ZNF414: variants seen among roughly 807,000 people sequenced by gnomAD.
ZNF414 encodes zinc finger protein 414.
Under a neutral mutation model 38.3 loss-of-function variants are expected in ZNF414, and 32 were observed. That is an observed-to-expected ratio of 0.83 (90% CI 0.63 to 1.12). The LOEUF (loss-of-function observed/expected upper bound fraction) is 1.12, where lower values mean the gene tolerates loss of function less well. Among genes scored for constraint, ZNF414 ranks in the 50% most tolerant of loss-of-function variants. The probability of loss-of-function intolerance (pLI) is 0.00; values close to 1 mark genes in which losing one functional copy is unlikely to be tolerated. For missense variants in ZNF414, 589 were observed against 557.4 expected (o/e 1.06, Z -0.57); for synonymous variants, 256 against 248.0 (o/e 1.03, Z -0.30).
At position 8,510,506 on chromosome 19, in the gene ZNF414, GAT is replaced by G. The variant is rs1971898065; in HGVS notation, c.*183_*184del. ...CTGTGGACCCAGGTGGTCCTCCCAA[GAT>G]GTGATCAATCCATGACTGCTGGGCT... On this transcript the variant is annotated 3_prime_UTR_variant, in exon 8 of 8. Coordinates refer to ENST00000393927, the MANE Select transcript of ZNF414 (RefSeq NM_001146175.2). 3.4e-6 allele frequency: 2 copies of G among 586,458 alleles called. No individual in the cohort carries two copies. The highest frequency in any genetic ancestry group is 5.5e-6 in the Non-Finnish European group (2 of 364,144). The allele number at this position is 586,458 out of a possible 1,614,324, so 36.3% of individuals were successfully genotyped here. A position where few individuals can be genotyped will look rare whatever the true frequency, so the allele number is the denominator to read the frequency against.
At position 8,511,667 on chromosome 19, in the gene ZNF414, G is replaced by T; in HGVS notation, c.824C>A (p.Ala275Asp). 1.3e-6 allele frequency: 2 copies of T among 1,504,136 alleles called. No individual in the cohort carries two copies. Among genetic ancestry groups the T allele is most frequent in the Admixed American group, 4.8e-5 (2 of 41,358 alleles). 93.2% of individuals were successfully genotyped at this position (1,504,136 alleles called of 1,614,324 possible). Residue 275 changes from alanine to aspartate, a missense_variant, in exon 5 of 8, where the codon GCT becomes GAT. Ala to Asp is a moderately radical substitution (Grantham distance 126). Transcript: ENST00000393927. ...GCTGGAAGCCGGCGGCCCGGGTGCA[G>T]CGGCCAGGAAGGGGCGCAGGCGCGG... ...SPPRLRPFLA[A>D]APGPPASSAA...
chr19:8,511,803 A>G lies in ZNF414; in HGVS notation c.688T>C (p.Ser230Pro). The G allele has an allele frequency of 7.1e-7, 1 of 1,401,674 alleles. No homozygotes were observed. Among genetic ancestry groups the G allele is most frequent in the Non-Finnish European group, 9.2e-7 (1 of 1,086,002 alleles). 86.8% of individuals were successfully genotyped at this position (1,401,674 alleles called of 1,614,324 possible). The change falls in exon 5 of 8, where the codon TCA becomes CCA. Residue 230 changes from serine to proline, a missense_variant. Physicochemically the swap from Ser to Pro is moderately conservative, Grantham distance 74 (BLOSUM62 -1). Coordinates refer to ENST00000393927, the MANE Select transcript of ZNF414 (RefSeq NM_001146175.2). The stretch of plus-strand genomic sequence containing the variant: ...AGCGGGAACGGCAGGCCCGGCGCTG[A>G]TGCGGGGTCAACCTCCGGGGGGCGC... Reference protein sequence around the residue: ...PERPPEVDPASAPGLPFPLLE... With the variant: ...PERPPEVDPAPAPGLPFPLLE...
chr19:8,511,758 G>T lies in ZNF414; in HGVS notation c.733C>A (p.Pro245Thr). 1 of 1,440,066 alleles carries T rather than the reference G, an allele frequency of 6.9e-7. No homozygotes were observed. The allele number at this position is 1,440,066 out of a possible 1,614,324, so 89.2% of individuals were successfully genotyped here. Reference protein sequence around the residue: ...PFPLLEPFTTPAPAPTGPFLP... With the variant: ...PFPLLEPFTTTAPAPTGPFLP... ...AACGGTCCGGTGGGGGCAGGGGCGG[G>T]GGTCGTGAAGGGTTCCAGCAGCGGG... Residue 245 changes from proline to threonine, a missense_variant, in exon 5 of 8, where the codon CCC (proline) becomes ACC (threonine). By Grantham distance (38) the Pro-to-Thr change is conservative. Coordinates refer to ENST00000393927, the MANE Select transcript of ZNF414 (RefSeq NM_001146175.2).
Position 8,512,841 on chromosome 19 carries a change from G to C in ZNF414, c.317-130C>G, listed in dbSNP as rs1413909228. 29 of 1,173,862 alleles carry C rather than the reference G, an allele frequency of 2.5e-5. No individual in the cohort carries two copies. In the South Asian group the frequency reaches 4.8e-4, roughly 19 times the overall value. 72.7% of individuals were successfully genotyped at this position (1,173,862 alleles called of 1,614,324 possible). A position where few individuals can be genotyped will look rare whatever the true frequency, so the allele number is the denominator to read the frequency against. ...TACTCTCTGCCTACCACAACAGACT[G>C]GTCTGCCACAGTGCAGGGGCTGGAC... On this transcript the variant is annotated intron_variant, in intron 2 of 7. Coordinates refer to ENST00000393927, the MANE Select transcript of ZNF414 (RefSeq NM_001146175.2).
chr19:8,511,958 C>T lies in ZNF414; in HGVS notation c.533G>A (p.Cys178Tyr), dbSNP rs369560206. 193 of 1,417,820 alleles carry T rather than the reference C, an allele frequency of 1.4e-4. No homozygotes were observed. The highest frequency in any genetic ancestry group is 1.7e-4 in the Non-Finnish European group (185 of 1,094,966). 87.8% of individuals were successfully genotyped at this position (1,417,820 alleles called of 1,614,324 possible). A position where few individuals can be genotyped will look rare whatever the true frequency, so the allele number is the denominator to read the frequency against. The change falls in exon 5 of 8, where the codon TGT becomes TAT. Residue 178 changes from cysteine (C) to tyrosine (Y), a missense_variant and splice_region_variant. Cys to Tyr is a radical substitution (Grantham distance 194). Coordinates refer to ENST00000393927, the MANE Select transcript of ZNF414 (RefSeq NM_001146175.2). ...LHYKPNRYFK[C>Y]ENCLLRFRTH... ...GCGGAAGCGCAGGAGGCAGTTCTCA[C>T]ACCTGGAGGTGGGCAGAGGGCTGGG...
At position 8,511,792 on chromosome 19, in the gene ZNF414, G is replaced by T; in HGVS notation, c.699C>A (p.Gly233=). The T allele has an allele frequency of 7.1e-7, 1 of 1,411,404 alleles. No homozygotes were observed. The allele number at this position is 1,411,404 out of a possible 1,614,324, so 87.4% of individuals were successfully genotyped here. A position where few individuals can be genotyped will look rare whatever the true frequency, so the allele number is the denominator to read the frequency against. The change falls in exon 5 of 8, where the codon GGC becomes GGA. Residue 233 remains glycine (G), a synonymous_variant. Coordinates refer to ENST00000393927, the MANE Select transcript of ZNF414 (RefSeq NM_001146175.2). ...AGGGTTCCAGCAGCGGGAACGGCAGGCCCGGCGCTGATGCGGGGTCAACCT... is the reference window on the plus strand; with the variant it reads ...AGGGTTCCAGCAGCGGGAACGGCAGTCCCGGCGCTGATGCGGGGTCAACCT... ...PPEVDPASAP[G]LPFPLLEPFT...
rs866349573 is a variant in ZNF414, at chr19:8,510,716, T to C, written c.1148A>G (p.Glu383Gly). Residue 383 changes from glutamate to glycine, a missense_variant, in exon 8 of 8, where the codon GAG (glutamate) becomes GGG (glycine). Transcript: ENST00000393927. ...TCAGAGCTGCGAGAACACTGGAAGC[T>C]CCCCCTCTGACAGCAGCGGCGACAC... ...PKVSPLLSEG[E>G]LPVFSQL 6.5e-7 allele frequency: 1 copy of C among 1,545,802 alleles called. No individual in the cohort carries two copies. Among genetic ancestry groups the C allele is most frequent in the Non-Finnish European group, 8.7e-7 (1 of 1,144,062 alleles).
intron 1 of ZNF414, 59 bp downstream of exon 1, chr19:8,513,985 G>A (rs1213435991): frequency 1.4e-6 from 2 of 1,391,316 alleles, no homozygotes; most frequent in South Asian, 1.5e-5. Flanking sequence ...GCGCGACAGG[G>A]CCGCTCCCCG....
chr19:8,511,344 CA>C, intron 6 of ZNF414, 141 bp downstream of exon 6: 1 of 1,463,190 alleles, frequency 6.8e-7, no homozygotes, highest in Non-Finnish European at 9.0e-7. Flanking sequence ...ATTTTTAAGG[CA>C]AAAATCCTGT....
Position 8,513,457 on chromosome 19 carries a change from GCT to G in ZNF414, c.4-118_4-117del. 2.9e-6 allele frequency: 3 copies of G among 1,025,100 alleles called. No individual in the cohort carries two copies. The South Asian group carries it at 5.1e-5, about 17-fold the overall frequency. 63.5% of individuals were successfully genotyped at this position (1,025,100 alleles called of 1,614,324 possible). On this transcript the variant is annotated intron_variant, in intron 1 of 7. Coordinates refer to ENST00000393927, the MANE Select transcript of ZNF414 (RefSeq NM_001146175.2). ...AGGGGAATACGTAAGGGTGGACTAA[GCT>G]CTTTTTTTCTTTTTATAAAGATGGG...
At position 8,513,355 on chromosome 19, in the gene ZNF414, G is replaced by A; in HGVS notation, c.4-14C>T. The A allele has an allele frequency of 1.3e-6, 2 of 1,561,492 alleles. No homozygotes were observed. Among genetic ancestry groups the A allele is most frequent in the Non-Finnish European group, 8.6e-7 (1 of 1,162,020 alleles). On this transcript the variant is annotated splice_polypyrimidine_tract_variant and intron_variant, in intron 1 of 7. Transcript: ENST00000393927. ...GGGTTTCTCCTCCTGGTGGAAGGAA[G>A]AGGCGGAGAGAACCCTTCTGGGCTC...
rs763516794 is a variant in ZNF414 at position 8,512,480 on chromosome 19, C to T, written c.437G>A (p.Arg146His). 17 of 1,613,778 alleles carry T rather than the reference C, an allele frequency of 1.1e-5. No individual in the cohort carries two copies. The East Asian group carries it at 2.2e-4, about 21-fold the overall frequency. Reference sequence around the variant, plus strand: ...CTCGGTGCAGCTCAGGGCTGAGCAGCGGAAGAGCTTGCCTGGTAGGGATGA... The same window carrying T: ...CTCGGTGCAGCTCAGGGCTGAGCAGTGGAAGAGCTTGCCTGGTAGGGATGA... ...PTQSLEGKLF[R>H]CSALSCTETF... The change falls in exon 4 of 8, where the codon CGC (arginine) becomes CAC (histidine). Residue 146 changes from arginine to histidine, a missense_variant. Physicochemically the swap from Arg to His is conservative, Grantham distance 29 (BLOSUM62 0). Transcript: ENST00000393927.
Position 8,513,044 on chromosome 19 carries a change from G to A in ZNF414, c.301C>T (p.Arg101Ter), listed in dbSNP as rs1219482874. ...GTSEDLRPPR[R>*]RPPPGKQIPC... ...CACAGATCACCTGGAGGTGGGCGTC[G>A]TCTGGGAGGCCGCAGGTCCTCGCTG... is the stretch of plus-strand genomic sequence containing the variant. Residue 101 changes from arginine to a stop codon, truncating the protein, a stop_gained, in exon 2 of 8, where the codon CGA becomes TGA. Coordinates refer to ENST00000393927, the MANE Select transcript of ZNF414 (RefSeq NM_001146175.2). LOFTEE classifies it high-confidence loss of function. 8.2e-6 allele frequency: 12 copies of A among 1,467,956 alleles called. 1 individual carries two copies. Among genetic ancestry groups the A allele is most frequent in the African/African-American group, 2.9e-5 (2 of 69,886 alleles). 90.9% of individuals were successfully genotyped at this position (1,467,956 alleles called of 1,614,324 possible).
Position 8,513,045 on chromosome 19 carries a change from T to C in ZNF414, c.300A>G (p.Arg100=), listed in dbSNP as rs1282741772. ...ACAGATCACCTGGAGGTGGGCGTCGTCTGGGAGGCCGCAGGTCCTCGCTGG... is the reference window on the plus strand; with the variant it reads ...ACAGATCACCTGGAGGTGGGCGTCGCCTGGGAGGCCGCAGGTCCTCGCTGG... ...SGTSEDLRPP[R]RRPPPGKQIP... is the part of the protein sequence containing the mutation. The change falls in exon 2 of 8, where the codon AGA becomes AGG. Residue 100 remains arginine, a synonymous_variant. Transcript: ENST00000393927. 6 of 1,468,524 alleles carry C rather than the reference T, an allele frequency of 4.1e-6. No individual in the cohort carries two copies. In the African/African-American group the frequency reaches 8.6e-5, roughly 21 times the overall value. The allele number at this position is 1,468,524 out of a possible 1,614,324, so 91.0% of individuals were successfully genotyped here. A position where few individuals can be genotyped will look rare whatever the true frequency, so the allele number is the denominator to read the frequency against.
At position 8,510,639 on chromosome 19, in the gene ZNF414, C is replaced by A; in HGVS notation, c.*52G>T. ...CAGCCCCCCTTCCCTGCAGCCCCCT[C>A]CAAATGACAAAACTACCCACATCCC... On this transcript the variant is annotated 3_prime_UTR_variant, in exon 8 of 8. Coordinates refer to ENST00000393927, the MANE Select transcript of ZNF414 (RefSeq NM_001146175.2). 2.0e-6 allele frequency: 3 copies of A among 1,500,368 alleles called. No individual in the cohort carries two copies. The highest frequency in any genetic ancestry group is 1.2e-5 in the South Asian group (1 of 81,168). 92.9% of individuals were successfully genotyped at this position (1,500,368 alleles called of 1,614,324 possible). A position where few individuals can be genotyped will look rare whatever the true frequency, so the allele number is the denominator to read the frequency against.
intron 1 of ZNF414, among the ~76,000 whole-genome samples, chr19:8,513,561 G>A (rs1971948815): frequency 6.6e-6 from 1 of 152,194 alleles, no homozygotes; most frequent in South Asian, 2.1e-4. Flanking sequence ...CCAAAGTGCT[G>A]GGATTAGAGT....
At position 8,510,728 on chromosome 19, in the gene ZNF414, A is replaced by AGCAGCGGC. The variant is rs1300376185; in HGVS notation, c.1128_1135dup (p.Leu379ArgfsTer75). 1.3e-6 allele frequency: 2 copies of AGCAGCGGC among 1,549,600 alleles called. No individual in the cohort carries two copies. The highest frequency in any genetic ancestry group is 1.7e-6 in the Non-Finnish European group (2 of 1,145,844). On this transcript the variant is annotated frameshift_variant, in exon 8 of 8. Transcript: ENST00000393927. LOFTEE classifies it high-confidence loss of function. Reference sequence around the variant, plus strand: ...GAACACTGGAAGCTCCCCCTCTGACAGCAGCGGCGACACCTTGGGTGCAAG... The same window carrying AGCAGCGGC: ...GAACACTGGAAGCTCCCCCTCTGACAGCAGCGGCGCAGCGGCGACACCTTGGGTGCAAG...
rs757281319 is a variant in ZNF414 at position 8,511,656 on chromosome 19, G to A, written c.835C>T (p.Pro279Ser). The change falls in exon 5 of 8, where the codon CCG (proline) becomes TCG (serine). Residue 279 changes from proline (P) to serine (S), a missense_variant. Coordinates refer to ENST00000393927, the MANE Select transcript of ZNF414 (RefSeq NM_001146175.2). ...LRPFLAAAPG[P>S]PASSAAVWKK... The stretch of plus-strand genomic sequence containing the variant: ...CAGACGGCGGCGCTGGAAGCCGGCG[G>A]CCCGGGTGCAGCGGCCAGGAAGGGG... 2.0e-6 allele frequency: 3 copies of A among 1,503,130 alleles called. No homozygotes were observed. Among genetic ancestry groups the A allele is most frequent in the Non-Finnish European group, 1.8e-6 (2 of 1,130,430 alleles). The allele number at this position is 1,503,130 out of a possible 1,614,324, so 93.1% of individuals were successfully genotyped here.
intron 4 of ZNF414, 144 bp from the exon 5 acceptor site, chr19:8,512,104 A>G: frequency 7.1e-7 from 1 of 1,417,632 alleles, no homozygotes; most frequent in Non-Finnish European, 9.2e-7. Context: ...TGTGGCAGCG[A>G]CCCTTCCTGA....
Sources: allele counts gnomAD v4.1 joint callset (sites outside exome capture counted in the v4.1 genomes callset), GRCh38; gene constraint gnomAD v4.1.1; transcripts MANE v1.5; gene names NCBI Gene and HGNC (gene_info 2026-07-23, HGNC 2026-07-21).